SLC15A5: variants seen among roughly 807,000 people sequenced by gnomAD.
SLC15A5 encodes solute carrier family 15 member 5.
Under a neutral mutation model 56.1 loss-of-function variants are expected in SLC15A5, and 58 were observed. The ratio of observed to expected loss-of-function variants is 1.03; its 90% CI spans 0.84 to 1.29. The LOEUF (loss-of-function observed/expected upper bound fraction) is 1.29. Among genes scored for constraint, SLC15A5 ranks in the 50% most tolerant of loss-of-function variants. The probability of loss-of-function intolerance (pLI) is 0.00; values close to 1 mark genes in which losing one functional copy is unlikely to be tolerated. For missense variants in SLC15A5, 681 were observed against 672.1 expected (o/e 1.01, Z -0.15); for synonymous variants, 264 against 250.5 (o/e 1.05, Z -0.51).
intron 7 of SLC15A5, among the ~76,000 whole-genome samples, chr12:16,216,307 C>T (rs769238524): frequency 5.3e-5 from 8 of 152,144 alleles, no homozygotes; most frequent in Non-Finnish European, 1.2e-4. Context: ...CCAACACGTG[C>T]AACCAAAGAA....
intron 7 of SLC15A5, among the ~76,000 whole-genome samples, chr12:16,198,510 C>T (rs564728078): frequency 2.0e-4 from 30 of 152,256 alleles, no homozygotes; most frequent in Non-Finnish European, 3.8e-4. Context: ...GCAGAACCCT[C>T]ATCTTCCTGC....
intron 7 of SLC15A5, among the ~76,000 whole-genome samples, chr12:16,213,002 G>T (rs1219249995): frequency 6.6e-6 from 1 of 152,114 alleles, no homozygotes; most frequent in African/African-American, 2.4e-5. Flanking sequence ...CTGTGAGAAA[G>T]TCAGCAAAAT....
At chr12:16,244,460 G>A (rs1271920379) in intron 4 of SLC15A5, 120 bp downstream of exon 4, 3 of 888,292 alleles carry the variant, frequency 3.4e-6, no homozygotes, top group South Asian at 1.6e-5. Context: ...TTTCTGTGGG[G>A]ATAACTGCCT....
intron 7 of SLC15A5, among the ~76,000 whole-genome samples, chr12:16,201,196 C>T (rs1198079569): frequency 6.6e-6 from 1 of 152,056 alleles, no homozygotes; most frequent in Non-Finnish European, 1.5e-5. Flanking sequence ...ACATTAAGAT[C>T]CCTACCAAAA....
At position 16,271,439 on chromosome 12, in the gene SLC15A5, G is replaced by A. The variant is rs1028550858; in HGVS notation, c.584+1122C>T. On this transcript the variant is annotated intron_variant, in intron 2 of 8. Transcript: ENST00000344941. The surrounding 1 kb of genome is among the most constrained non-coding windows in gnomAD (Gnocchi z 8.0). ...CTTTCTCCTTTGGGCAGGTCAAGGA[G>A]GCAGAATTTGCTGCAAGGAAGTAAA... 2.0e-5 allele frequency among the ~76,000 whole-genome samples: 3 copies of A among 152,128 alleles called. No homozygotes were observed. The highest frequency in any genetic ancestry group is 2.9e-5 in the Non-Finnish European group (2 of 68,020).
intron 7 of SLC15A5, among the ~76,000 whole-genome samples, chr12:16,211,325 C>G (rs758927707): frequency 1.3e-5 from 2 of 152,120 alleles, no homozygotes; most frequent in Non-Finnish European, 2.9e-5. Context: ...TCAGTGGCCT[C>G]AAAAATCATA....
At chr12:16,260,749 T>G (rs1864635628) in intron 2 of SLC15A5, among the ~76,000 whole-genome samples, 1 of 124,502 alleles carries the variant, frequency 8.0e-6, no homozygotes. Flanking sequence ...AAGTCACAAG[T>G]ATTTTCCCGT....
At chr12:16,207,746 A>C (rs928705724) in intron 7 of SLC15A5, among the ~76,000 whole-genome samples, 16 of 151,462 alleles carry the variant, frequency 1.1e-4, no homozygotes, top group African/African-American at 3.9e-4. Context: ...CTCCGCCTCC[A>C]GGGTTCAAGC....
chr12:16,250,238 A>AT (rs368029137), intron 3 of SLC15A5, among the ~76,000 whole-genome samples: 4 of 152,076 alleles, frequency 2.6e-5, no homozygotes, highest in African/African-American at 9.7e-5. Flanking sequence ...ATATTCAAGT[A>AT]TTTATAAGAC....
intron 7 of SLC15A5, among the ~76,000 whole-genome samples, chr12:16,208,184 CTCTT>C (rs1187273936): frequency 2.0e-5 from 3 of 152,292 alleles, no homozygotes; most frequent in Middle Eastern, 3.4e-3. Context: ...TCTCCTTTCT[CTCTT>C]CTGTTTCAGT....
In SLC15A5 at chr12:16,243,123, C is replaced by G. The variant is rs12820601; in HGVS notation, c.975+1457G>C. On this transcript the variant is annotated intron_variant, in intron 4 of 8. Transcript: ENST00000344941. This position sits in a 1 kb window ranked among gnomAD's most constrained non-coding sequence, Gnocchi z 4.4. ...TTTTGTGCATAAGCAGACATAGATA[C>G]GACAAAACAAAGAGCATGGCTATGT... Among the ~76,000 whole-genome samples the G allele has an allele frequency of 6.6e-6, 1 of 151,924 alleles. No homozygotes were observed. Among genetic ancestry groups the G allele is most frequent in the African/African-American group, 2.4e-5 (1 of 41,362 alleles).
intron 5 of SLC15A5, among the ~76,000 whole-genome samples, chr12:16,232,356 T>G (rs556313234): frequency 6.8e-4 from 103 of 152,178 alleles, no homozygotes; most frequent in African/African-American, 2.3e-3. Flanking sequence ...AGAGAAAATA[T>G]TGAGACTTAC....
intron 5 of SLC15A5, 131 bp from the exon 6 acceptor site, chr12:16,224,733 ATTTT>A: frequency 1.0e-6 from 1 of 956,728 alleles, no homozygotes; most frequent in Non-Finnish European, 1.5e-6. Flanking sequence ...TTTTTTTTTA[ATTTT>A]TTTATTATAC....
intron 7 of SLC15A5, among the ~76,000 whole-genome samples, chr12:16,213,092 C>T (rs1864098746): frequency 6.6e-6 from 1 of 151,996 alleles, no homozygotes; most frequent in Admixed American, 6.6e-5. Context: ...ATTTTGTACC[C>T]ATATTATGTT....
intron 3 of SLC15A5, among the ~76,000 whole-genome samples, chr12:16,245,451 C>T (rs187333994): frequency 9.9e-4 from 151 of 152,260 alleles, no homozygotes; most frequent in African/African-American, 3.4e-3. Flanking sequence ...CGATCAGAAG[C>T]GCTTTATTGC....
intron 8 of SLC15A5, among the ~76,000 whole-genome samples, chr12:16,191,307 G>C (rs1408804476): frequency 6.6e-6 from 1 of 152,002 alleles, no homozygotes; most frequent in Non-Finnish European, 1.5e-5. Flanking sequence ...AGACTAATAT[G>C]AACTTGGCTG....
At chr12:16,238,335 A>G (rs1397285610) in intron 5 of SLC15A5, among the ~76,000 whole-genome samples, 2 of 152,168 alleles carry the variant, frequency 1.3e-5, no homozygotes, top group African/African-American at 4.8e-5. Context: ...GTCTCTTAAT[A>G]AGAACAGGTT....
At chr12:16,274,700 G>T (rs1003004521) in intron 1 of SLC15A5, among the ~76,000 whole-genome samples, 2 of 152,046 alleles carry the variant, frequency 1.3e-5, no homozygotes, top group African/African-American at 4.8e-5. Flanking sequence ...TAGGTGTGAC[G>T]TGAGGCCTGG....
chr12:16,214,124 TA>T (rs376073043), intron 7 of SLC15A5, among the ~76,000 whole-genome samples: 3 of 152,154 alleles, frequency 2.0e-5, no homozygotes, highest in African/African-American at 7.2e-5. Flanking sequence ...TCGTTACATT[TA>T]AAAAATTAGA....
Sources: gnomAD v4.1 joint callset for allele counts (sites outside exome capture counted in the v4.1 genomes callset) on GRCh38, gnomAD v4.1.1 for gene constraint, Gnocchi (gnomAD v3.1) non-coding constraint, MANE v1.5 for transcripts, NCBI Gene and HGNC (gene_info 2026-07-23, HGNC 2026-07-21) for gene names.